RANBP2: variants seen among roughly 807,000 people sequenced by gnomAD.
RANBP2 encodes the protein E3 SUMO-protein ligase RanBP2.
RANBP2 carries 57 observed loss-of-function variants against 303.6 expected under a neutral mutation model. That is an observed-to-expected ratio of 0.19 (90% CI 0.15 to 0.23). The LOEUF is 0.23. RANBP2 is among the 10% of genes least tolerant of loss of function. The pLI is 1.00. For missense variants in RANBP2, 3,138 were observed against 3,780.8 expected (o/e 0.83, Z 4.46); for synonymous variants, 1,167 against 1,301.5 (o/e 0.90, Z 2.23).
At chr2:109,445,708 G>T in the RANBP2 span, among the ~76,000 whole-genome samples, 2,066 of 152,194 alleles carry the variant, frequency 0.014, 60 homozygotes, top group African/African-American at 0.047. Flanking sequence ...GACCTGGTGG[G>T]ACCCAGAGTC....
the RANBP2 span, among the ~76,000 whole-genome samples, chr2:109,471,668 C>T: frequency 1.3e-5 from 2 of 152,190 alleles, no homozygotes. Context: ...TGCTCCAGGA[C>T]ACATGCTGGG....
chr2:108,860,935 C>CTGTTTTTTTTTT, the RANBP2 span, among the ~76,000 whole-genome samples: 2 of 37,910 alleles, frequency 5.3e-5, no homozygotes, highest in Admixed American at 5.0e-4. Context: ...TGGTCCAGGA[C>CTGTTTTTTTTTT]TTTTTTTTTT....
At chr2:109,729,436 C>T in the RANBP2 span, among the ~76,000 whole-genome samples, 149 of 152,248 alleles carry the variant, frequency 9.8e-4, 3 homozygotes, top group Middle Eastern at 0.027. Flanking sequence ...AACTTGAGGT[C>T]AGGAATTCGA....
chr2:109,287,932 T>G, the RANBP2 span, among the ~76,000 whole-genome samples: 1,223 of 152,376 alleles, frequency 8.0e-3, 12 homozygotes, highest in East Asian at 0.038. Flanking sequence ...ATCCAGGACC[T>G]GCCTGTTCAA....
At chr2:109,303,175 C>T in the RANBP2 span, among the ~76,000 whole-genome samples, 1 of 152,192 alleles carries the variant, frequency 6.6e-6, no homozygotes, top group African/African-American at 2.4e-5. Flanking sequence ...CGCGCCCGGC[C>T]GATCTCCTTA....
chr2:109,200,844 C>G, the RANBP2 span, among the ~76,000 whole-genome samples: 1 of 152,246 alleles, frequency 6.6e-6, no homozygotes. Flanking sequence ...AGCTTTTCCC[C>G]TAAGTGCGGC....
the RANBP2 span, among the ~76,000 whole-genome samples, chr2:109,634,351 TA>T: frequency 6.6e-6 from 1 of 151,466 alleles, no homozygotes; most frequent in Non-Finnish European, 1.5e-5. Flanking sequence ...GAGAAGACAT[TA>T]AAAAAAGCCA....
the RANBP2 span, among the ~76,000 whole-genome samples, chr2:109,632,900 T>C: frequency 6.6e-6 from 1 of 152,166 alleles, no homozygotes; most frequent in Non-Finnish European, 1.5e-5. Flanking sequence ...TTAGATTTCT[T>C]TCCCTTCAAA....
chr2:109,398,893 G>T, the RANBP2 span: 4 of 1,613,608 alleles, frequency 2.5e-6, no homozygotes, highest in South Asian at 4.4e-5. Context: ...TCCCCGAGCC[G>T]CGGCCAGGAT....
chr2:109,059,423 C>T, the RANBP2 span, among the ~76,000 whole-genome samples: 209 of 152,018 alleles, frequency 1.4e-3, 1 homozygote, highest in African/African-American at 4.3e-3. Flanking sequence ...AAAATACAAA[C>T]AATTAGCCGG....
the RANBP2 span, among the ~76,000 whole-genome samples, chr2:109,454,440 A>G: frequency 1.3e-5 from 2 of 152,180 alleles, no homozygotes; most frequent in African/African-American, 2.4e-5. Context: ...AGCACAGGCC[A>G]TGAGTGGTGC....
chr2:109,684,846 T>C, the RANBP2 span, among the ~76,000 whole-genome samples: 1 of 151,076 alleles, frequency 6.6e-6, no homozygotes, highest in African/African-American at 2.4e-5. Flanking sequence ...CCTTACATAT[T>C]TTTAATATTA....
chr2:109,033,834 T>C, the RANBP2 span, among the ~76,000 whole-genome samples: 1 of 151,078 alleles, frequency 6.6e-6, no homozygotes, highest in African/African-American at 2.4e-5. Flanking sequence ...CGGGCACCTG[T>C]AGTCCCAGCA....
chr2:108,932,998 G>A, the RANBP2 span, among the ~76,000 whole-genome samples: 5 of 152,256 alleles, frequency 3.3e-5, no homozygotes, highest in Non-Finnish European at 5.9e-5. Context: ...GAAGAGGGTG[G>A]GCAGAATCCT....
the RANBP2 span, among the ~76,000 whole-genome samples, chr2:109,603,600 G>A: frequency 1.3e-5 from 2 of 152,080 alleles, no homozygotes; most frequent in Admixed American, 1.3e-4. Context: ...CAGGTATTGT[G>A]GATCGAAGCT....
At chr2:109,194,014 G>C in the RANBP2 span, among the ~76,000 whole-genome samples, 1 of 152,220 alleles carries the variant, frequency 6.6e-6, no homozygotes, top group Non-Finnish European at 1.5e-5. Flanking sequence ...ATAAACTTTT[G>C]AAAGTTTTAG....
the RANBP2 span, among the ~76,000 whole-genome samples, chr2:109,590,043 T>TATATGTGTGTGTATATATATACACACAC: frequency 7.4e-6 from 1 of 134,842 alleles, no homozygotes; most frequent in African/African-American, 3.5e-5. Flanking sequence ...TATACACACA[T>TATATGTGTGTGTATATATATACACACAC]ATATATGTGT....
chr2:108,976,621 T>A, the RANBP2 span, among the ~76,000 whole-genome samples: 1 of 152,214 alleles, frequency 6.6e-6, no homozygotes, highest in East Asian at 1.9e-4. Context: ...TTCTCTGTTA[T>A]GTATTTGTCC....
At chr2:108,865,184 A>C in the RANBP2 span, among the ~76,000 whole-genome samples, 1 of 152,162 alleles carries the variant, frequency 6.6e-6, no homozygotes, top group Admixed American at 6.5e-5. Flanking sequence ...TATCTTGAAG[A>C]TCTTATATAA....
Sources: gnomAD v4.1 joint callset for allele counts (sites outside exome capture counted in the v4.1 genomes callset) on GRCh38, gnomAD v4.1.1 for gene constraint, MANE v1.5 for transcripts, NCBI Gene and HGNC (gene_info 2026-07-23, HGNC 2026-07-21) for gene names.